The following VWF variants were observed in gnomAD, a reference collection of about 807,000 sequenced individuals.
VWF encodes the protein von Willebrand factor, also known as Factor VIII related antigen.
Under a neutral mutation model 308.6 loss-of-function variants are expected in VWF, and 176 were observed. The observed-to-expected ratio is 0.57, with a 90% confidence interval of 0.50 to 0.65. The LOEUF (loss-of-function observed/expected upper bound fraction) is 0.65, where lower values mean the gene tolerates loss of function less well. Among genes scored for constraint, VWF ranks in the 30% least tolerant of loss-of-function variants. The pLI, the probability that VWF is intolerant of heterozygous loss-of-function variation, is 0.00. For missense variants in VWF, 3,146 were observed against 3,648.2 expected (o/e 0.86, Z 3.55); for synonymous variants, 1,385 against 1,443.4 (o/e 0.96, Z 0.92).
chr12:6,118,258 C>A (rs1336719702), intron 3 of VWF, among the ~76,000 whole-genome samples: 3 of 151,922 alleles, frequency 2.0e-5, no homozygotes, highest in Non-Finnish European at 2.9e-5. Flanking sequence ...ACCAGCCCGT[C>A]TCGGGGCAGG....
chr12:5,995,895 G>T, intron 35 of VWF, 107 bp downstream of exon 35: 1 of 1,024,438 alleles, frequency 9.8e-7, no homozygotes. Context: ...TAAGCAGAAG[G>T]CAGAGCTCCT....
chr12:5,962,709 C>T (rs1219451528), intron 47 of VWF, among the ~76,000 whole-genome samples: 1 of 152,044 alleles, frequency 6.6e-6, no homozygotes, highest in Non-Finnish European at 1.5e-5. Context: ...TGCCACCACC[C>T]CCAGCTAATT....
intron 3 of VWF, among the ~76,000 whole-genome samples, chr12:6,116,273 C>T (rs915853693): frequency 2.6e-5 from 4 of 152,194 alleles, no homozygotes; most frequent in African/African-American, 9.6e-5. Context: ...CTGCTGAACG[C>T]AGTGATTAAG....
intron 40 of VWF, among the ~76,000 whole-genome samples, chr12:5,984,741 G>T (rs1159586753): frequency 6.6e-6 from 1 of 152,240 alleles, no homozygotes; most frequent in Non-Finnish European, 1.5e-5. Flanking sequence ...TATTGAAAAT[G>T]AAAATGGGTT....
At chr12:6,089,730 T>C (rs1259535216) in intron 6 of VWF, among the ~76,000 whole-genome samples, 2 of 152,104 alleles carry the variant, frequency 1.3e-5, no homozygotes, top group Non-Finnish European at 2.9e-5. Flanking sequence ...CACTGGGCTA[T>C]GTTTGCAAAA....
At chr12:5,994,730 G>T in intron 35 of VWF, 123 bp from the exon 36 acceptor site, 1 of 838,880 alleles carries the variant, frequency 1.2e-6, no homozygotes, top group Non-Finnish European at 2.0e-6. Flanking sequence ...CACAAACCTT[G>T]ATATTTGTCG....
intron 37 of VWF, among the ~76,000 whole-genome samples, 173 bp downstream of exon 37, chr12:5,993,689 G>A (rs1395450185): frequency 6.7e-6 from 1 of 148,948 alleles, no homozygotes; most frequent in Non-Finnish European, 1.5e-5. Flanking sequence ...ATACATATAT[G>A]TATATGTATA....
At chr12:6,050,444 G>A (rs1324464367) in intron 16 of VWF, among the ~76,000 whole-genome samples, 2 of 152,090 alleles carry the variant, frequency 1.3e-5, no homozygotes, top group African/African-American at 4.8e-5. Context: ...AGTTACTCTT[G>A]GATCCTATTT....
In VWF at chr12:6,099,339, A is replaced by C. The variant is rs1000607093; in HGVS notation, c.533-3755T>G. ...ATCTCAAAAAAAAAAAAAAAAAAAA[A>C]AACCAAGGAAGCAAAAGTTTGTTAA... is the stretch of plus-strand genomic sequence containing the variant. On this transcript the variant is annotated intron_variant, in intron 5 of 51. Coordinates refer to ENST00000261405, the MANE Select transcript of VWF (RefSeq NM_000552.5). Among the ~76,000 whole-genome samples the C allele has an allele frequency of 5.8e-3, 861 of 149,736 alleles. 4 individuals carry two copies. Among genetic ancestry groups the C allele is most frequent in the Non-Finnish European group, 0.01 (680 of 67,666 alleles).
intron 37 of VWF, among the ~76,000 whole-genome samples, chr12:5,993,480 C>G (rs556512393): frequency 6.6e-6 from 1 of 152,250 alleles, no homozygotes; most frequent in African/African-American, 2.4e-5. Context: ...TTCAATGTGA[C>G]TGGTTACACA....
intron 47 of VWF, 108 bp downstream of exon 47, chr12:5,967,378 C>A: frequency 1.1e-6 from 1 of 945,708 alleles, no homozygotes; most frequent in Middle Eastern, 2.2e-4. Flanking sequence ...TGTTTATAAT[C>A]AGAAAATAAT....
At chr12:6,066,367 C>T (rs932019445) in intron 10 of VWF, among the ~76,000 whole-genome samples, 2 of 152,234 alleles carry the variant, frequency 1.3e-5, no homozygotes, top group African/African-American at 4.8e-5. Flanking sequence ...ATTTCCTCCA[C>T]CTGCTCTCAT....
intron 6 of VWF, 108 bp downstream of exon 6, chr12:6,095,352 G>A (rs1050029274): frequency 2.8e-5 from 44 of 1,550,980 alleles, no homozygotes; most frequent in South Asian, 2.4e-4. Flanking sequence ...ATGGCCCTGC[G>A]TAAGTCCATT....
chr12:5,949,144 G>A lies in VWF; in HGVS notation c.8313C>T (p.Cys2771=), dbSNP rs1943148459. Residue 2771 remains cysteine (C), a synonymous_variant, in exon 52 of 52, where the codon TGC becomes TGT. Transcript: ENST00000261405. ...CCGTCCGTGTCGGAGAGCAGCAGGAGCACTGGTCCTGCACATCGTTGATGT... is the reference window on the plus strand; with the variant it reads ...CCGTCCGTGTCGGAGAGCAGCAGGAACACTGGTCCTGCACATCGTTGATGT... ...SIDINDVQDQ[C]SCCSPTRTEP... 1 of 1,614,130 alleles carries A rather than the reference G, an allele frequency of 6.2e-7. No individual in the cohort carries two copies. Among genetic ancestry groups the A allele is most frequent in the Non-Finnish European group, 8.5e-7 (1 of 1,180,038 alleles).
intron 16 of VWF, among the ~76,000 whole-genome samples, chr12:6,048,610 A>G (rs216300): frequency 0.87 from 132,353 of 152,222 alleles, 57,781 homozygotes; most frequent in Middle Eastern, 0.92. Context: ...TTACAGGCAC[A>G]CATCACCATG....
intron 2 of VWF, among the ~76,000 whole-genome samples, chr12:6,122,224 T>C (rs1391544834): frequency 6.6e-6 from 1 of 152,254 alleles, no homozygotes; most frequent in African/African-American, 2.4e-5. Flanking sequence ...GTCTATAGTA[T>C]AGCCCTCTAT....
chr12:6,112,211 A>G (rs1302104248), intron 3 of VWF, among the ~76,000 whole-genome samples: 1 of 152,168 alleles, frequency 6.6e-6, no homozygotes, highest in Non-Finnish European at 1.5e-5. Flanking sequence ...ATAGGCTCTG[A>G]GAATGGTGTG....
intron 38 of VWF, among the ~76,000 whole-genome samples, chr12:5,986,925 G>A (rs938020248): frequency 6.6e-5 from 10 of 151,714 alleles, no homozygotes. Context: ...GTTTTTGTTT[G>A]TTTGTTTGTT....
rs376006842 is a variant in VWF at position 6,095,580 on chromosome 12, G to A, written c.537C>T (p.Thr179=). Residue 179 remains threonine, a synonymous_variant, in exon 6 of 52, where the codon ACC becomes ACT. Coordinates refer to ENST00000261405, the MANE Select transcript of VWF (RefSeq NM_000552.5). ...CAAAGTCATAAGGGTCCGAGGTCAA[G>A]GTCCCTGTGGAGGAAAGTTTCAGGA... ...AEDDFMTQEG[T]LTSDPYDFAN... 20 of 1,614,032 alleles carry A rather than the reference G, an allele frequency of 1.2e-5. No individual in the cohort carries two copies. The African/African-American group carries it at 2.4e-4, about 19-fold the overall frequency.
Sources: gnomAD v4.1 joint callset for allele counts (sites outside exome capture counted in the v4.1 genomes callset) on GRCh38, gnomAD v4.1.1 for gene constraint, MANE v1.5 for transcripts, NCBI Gene and HGNC (gene_info 2026-07-23, HGNC 2026-07-21) for gene names.